Variants in MRS2 observed in about 807,000 individuals in gnomAD.
The protein encoded by MRS2 is magnesium transporter MRS2 homolog, mitochondrial.
A neutral mutation model predicts 52.6 loss-of-function variants in MRS2; 40 were observed. That is an observed-to-expected ratio of 0.76 (90% CI 0.59 to 0.99). The LOEUF is 0.99. Ranked by LOEUF, MRS2 falls within the 50% of genes least tolerant of loss-of-function variation. The pLI is 0.00. For missense variants in MRS2, 472 were observed against 532.7 expected (o/e 0.89, Z 1.12); for synonymous variants, 193 against 195.9 (o/e 0.98, Z 0.13).
At chr6:24,404,282 C>G (rs1761387822) in intron 1 of MRS2, among the ~76,000 whole-genome samples, 1 of 152,134 alleles carries the variant, frequency 6.6e-6, no homozygotes, top group Non-Finnish European at 1.5e-5. Context: ...AATCTCAATC[C>G]CGGTTACACT....
At chr6:24,418,025 C>T in intron 7 of MRS2, 59 bp from the exon 8 acceptor site, 1 of 1,433,788 alleles carries the variant, frequency 7.0e-7, no homozygotes, top group Non-Finnish European at 9.4e-7. Flanking sequence ...AAGTTTTTGT[C>T]ACTAAGTATA....
chr6:24,419,464 C>T (rs1239866920), intron 9 of MRS2, among the ~76,000 whole-genome samples: 1 of 152,058 alleles, frequency 6.6e-6, no homozygotes. Flanking sequence ...TTTTTTAATT[C>T]TTACATGTCT....
chr6:24,408,404 T>C lies in MRS2; in HGVS notation c.265-4T>C. Reference sequence around the variant, plus strand: ...TCATAATTTGTTTTATTCTCTATTTTCAGACAAAATTTGACAAACAGGGAA... The same window carrying C: ...TCATAATTTGTTTTATTCTCTATTTCCAGACAAAATTTGACAAACAGGGAA... On this transcript the variant is annotated splice_region_variant and splice_polypyrimidine_tract_variant and intron_variant, in intron 2 of 10. Transcript: ENST00000378386. The C allele has an allele frequency of 6.4e-7, 1 of 1,570,918 alleles. No homozygotes were observed. The highest frequency in any genetic ancestry group is 8.8e-7 in the Non-Finnish European group (1 of 1,141,960).
chr6:24,414,277 C>T (rs902557744), intron 5 of MRS2, among the ~76,000 whole-genome samples: 2 of 151,936 alleles, frequency 1.3e-5, no homozygotes, highest in African/African-American at 4.8e-5. Context: ...CTCTGGTTTT[C>T]CTAGGAAGAG....
At chr6:24,405,720 T>C (rs1050924361) in intron 2 of MRS2, among the ~76,000 whole-genome samples, 1 of 149,312 alleles carries the variant, frequency 6.7e-6, no homozygotes, top group East Asian at 2.0e-4. Flanking sequence ...AAGGTGACTC[T>C]AGGTGAAAGC....
At chr6:24,417,079 CCA>C (rs1309093055) in intron 7 of MRS2, among the ~76,000 whole-genome samples, 1 of 152,150 alleles carries the variant, frequency 6.6e-6, no homozygotes, top group Non-Finnish European at 1.5e-5. Flanking sequence ...AGTTTAGTTT[CCA>C]CAGTCTGTAC....
chr6:24,421,159 C>G (rs1402346317), intron 9 of MRS2, among the ~76,000 whole-genome samples: 1 of 152,158 alleles, frequency 6.6e-6, no homozygotes, highest in Non-Finnish European at 1.5e-5. Context: ...AATCTACAAG[C>G]TAACTCCATT....
In MRS2 at chr6:24,418,160, G is replaced by T. The variant is rs747627568; in HGVS notation, c.913G>T (p.Asp305Tyr). The T allele has an allele frequency of 2.2e-5, 35 of 1,613,586 alleles. No individual in the cohort carries two copies. The highest frequency in any genetic ancestry group is 1.5e-5 in the Non-Finnish European group (18 of 1,179,720). The change falls in exon 8 of 11, where the codon GAT becomes TAT. Residue 305 changes from aspartate (D) to tyrosine (Y), a missense_variant. Coordinates refer to ENST00000378386, the MANE Select transcript of MRS2 (RefSeq NM_020662.4). ...LLENYYRLAD[D>Y]LSNAARELRV... ...GGAAAACTACTACCGATTGGCTGAC[G>T]ATCTCTCCAATGCAGCTCGTGAGCT...
intron 6 of MRS2, among the ~76,000 whole-genome samples, chr6:24,415,716 T>C (rs1243146017): frequency 1.3e-5 from 2 of 152,218 alleles, no homozygotes; most frequent in South Asian, 2.1e-4. Flanking sequence ...GCCATGTTGA[T>C]TAATAAAATT....
At chr6:24,410,715 G>T in intron 4 of MRS2, 1 of 1,519,608 alleles carries the variant, frequency 6.6e-7, no homozygotes, top group Non-Finnish European at 8.8e-7. Flanking sequence ...TCTCCCATGT[G>T]ATTTTCTTCA....
intron 3 of MRS2, 24 bp from the exon 4 acceptor site, chr6:24,409,437 C>T: frequency 7.0e-7 from 1 of 1,422,420 alleles, no homozygotes; most frequent in East Asian, 2.3e-5. Flanking sequence ...TTGGTTTAGC[C>T]CTCTCTGTTT....
chr6:24,421,857 T>TTGCA (rs1762051584), intron 9 of MRS2, among the ~76,000 whole-genome samples: 3 of 152,194 alleles, frequency 2.0e-5, no homozygotes, highest in Admixed American at 2.0e-4. Flanking sequence ...AGATCACATA[T>TTGCA]TGCATATAGG....
chr6:24,425,644 C>T lies in MRS2; in HGVS notation c.*1950C>T, dbSNP rs1407018177. On this transcript the variant is annotated 3_prime_UTR_variant, in exon 11 of 11. Transcript: ENST00000378386. ...TAAAATGGACTGAGCACATTAATTACTGTTTGAAAGTAGGTACCAAACACT... is the reference window on the plus strand; with the variant it reads ...TAAAATGGACTGAGCACATTAATTATTGTTTGAAAGTAGGTACCAAACACT... The T allele has an allele frequency of 1.3e-5, 2 of 152,206 alleles. No homozygotes were observed. Among genetic ancestry groups the T allele is most frequent in the East Asian group, 3.8e-4 (2 of 5,198 alleles). 9.4% of individuals were successfully genotyped at this position (152,206 alleles called of 1,614,324 possible). A position where few individuals can be genotyped will look rare whatever the true frequency, so the allele number is the denominator to read the frequency against.
At chr6:24,417,185 C>T (rs1394598815) in intron 7 of MRS2, among the ~76,000 whole-genome samples, 2 of 151,940 alleles carry the variant, frequency 1.3e-5, no homozygotes, top group African/African-American at 2.4e-5. Flanking sequence ...GGTAGATAGC[C>T]GATAGGTATG....
Position 24,417,227 on chromosome 6 carries a change from A to G in MRS2, c.836+714A>G, listed in dbSNP as rs369745912. On this transcript the variant is annotated intron_variant, in intron 7 of 10. Transcript: ENST00000378386. ...GAAACTGTTTGCTTTGCTTAGGCCA[A>G]TCTGTCAATCTGTCTCTAATATGCT... Among the ~76,000 whole-genome samples, 8 of 152,214 alleles carry G rather than the reference A, an allele frequency of 5.3e-5. No homozygotes were observed. The South Asian group carries it at 6.2e-4, about 12-fold the overall frequency.
chr6:24,407,615 T>C (rs1043955117), intron 2 of MRS2, among the ~76,000 whole-genome samples: 1 of 152,182 alleles, frequency 6.6e-6, no homozygotes, highest in Admixed American at 6.5e-5. Context: ...ATTTTCTGTA[T>C]CAAATCCTCT....
At chr6:24,407,394 T>C (rs374802372) in intron 2 of MRS2, among the ~76,000 whole-genome samples, 16 of 152,234 alleles carry the variant, frequency 1.1e-4, no homozygotes, top group African/African-American at 3.9e-4. Flanking sequence ...TTTTATTGTG[T>C]GATTAACACA....
At position 24,418,357 on chromosome 6, in the gene MRS2, T is replaced by C. The variant is rs1761926551; in HGVS notation, c.990-104T>C. ...CATCTATACTACATTATTATTATTT[T>C]TTTTGTTGTGTAGGTTTCATCCATG... On this transcript the variant is annotated intron_variant, in intron 8 of 10. Transcript: ENST00000378386. The C allele has an allele frequency of 2.4e-5, 37 of 1,530,284 alleles. No homozygotes were observed. In the South Asian group the frequency reaches 4.5e-4, roughly 18 times the overall value. 94.8% of individuals were successfully genotyped at this position (1,530,284 alleles called of 1,614,324 possible). A position where few individuals can be genotyped will look rare whatever the true frequency, so the allele number is the denominator to read the frequency against.
intron 1 of MRS2, 146 bp downstream of exon 1, chr6:24,403,382 C>T: frequency 1.3e-6 from 1 of 769,696 alleles, no homozygotes; most frequent in Non-Finnish European, 2.0e-6. Flanking sequence ...CTTGCACAGG[C>T]CCGCGGGCCG....
Sources: gnomAD v4.1 joint callset for allele counts (sites outside exome capture counted in the v4.1 genomes callset) on GRCh38, gnomAD v4.1.1 for gene constraint, MANE v1.5 for transcripts, NCBI Gene and HGNC (gene_info 2026-07-23, HGNC 2026-07-21) for gene names.